The following ARHGEF26 variants were observed in gnomAD, a reference collection of about 807,000 sequenced individuals.
ARHGEF26 encodes Rho guanine nucleotide exchange factor 26.
ARHGEF26 carries 59 observed loss-of-function variants against 89.4 expected under a neutral mutation model. That is an observed-to-expected ratio of 0.66 (90% confidence interval 0.54 to 0.82). The LOEUF (loss-of-function observed/expected upper bound fraction) is 0.82, where lower values mean the gene tolerates loss of function less well. Among genes scored for constraint, ARHGEF26 ranks in the 40% least tolerant of loss-of-function variants. The probability of loss-of-function intolerance (pLI) is 0.00; values close to 1 mark genes in which losing one functional copy is unlikely to be tolerated. For missense variants in ARHGEF26, 1,234 were observed against 1,085.6 expected, an observed-to-expected ratio of 1.14 and a Z score of -1.92; for synonymous variants, 500 against 428.4, an observed-to-expected ratio of 1.17 and a Z score of -2.06.
chr3:154,186,262 C>T (rs926909134), intron 6 of ARHGEF26, among the ~76,000 whole-genome samples: 3 of 151,850 alleles, frequency 2.0e-5, no homozygotes, highest in Admixed American at 6.6e-5. Flanking sequence ...AATAGATATT[C>T]GTATGCAGAT....
intron 6 of ARHGEF26, among the ~76,000 whole-genome samples, chr3:154,179,816 A>T (rs917667156): frequency 6.6e-6 from 1 of 152,192 alleles, no homozygotes; most frequent in African/African-American, 2.4e-5. Flanking sequence ...TCTAAGACAG[A>T]TTAAGAGGAT....
chr3:154,247,230 CA>C (rs1327077577), intron 12 of ARHGEF26, among the ~76,000 whole-genome samples: 2 of 152,274 alleles, frequency 1.3e-5, no homozygotes, highest in Admixed American at 6.5e-5. Context: ...TGTCCAAAAC[CA>C]AACATCAACA....
At chr3:154,183,311 A>C (rs755588210) in intron 6 of ARHGEF26, among the ~76,000 whole-genome samples, 32 of 152,224 alleles carry the variant, frequency 2.1e-4, no homozygotes, top group Non-Finnish European at 4.1e-4. Flanking sequence ...AAAAAAAGAT[A>C]AAGGTTGTGT....
chr3:154,240,182 G>C (rs542953186), intron 11 of ARHGEF26, among the ~76,000 whole-genome samples, 188 bp from the exon 12 acceptor site: 35 of 152,130 alleles, frequency 2.3e-4, no homozygotes, highest in Admixed American at 2.3e-3. Context: ...GGTTTAATTG[G>C]AGGGGGTTAC....
At position 154,255,793 on chromosome 3, in the gene ARHGEF26, TATATC is replaced by T. The variant is rs1718462138; in HGVS notation, c.*321_*325del. On this transcript the variant is annotated 3_prime_UTR_variant, in exon 15 of 15. Transcript: ENST00000465093. ...TGTTCTGGCAATAAAAAACACATAT[TATATC>T]CTGGTTTTCTCTATCCTTGCATTAC... The T allele has an allele frequency of 9.0e-7, 1 of 1,107,968 alleles. No individual in the cohort carries two copies. Among genetic ancestry groups the T allele is most frequent in the Admixed American group, 4.6e-5 (1 of 21,916 alleles). The allele number at this position is 1,107,968 out of a possible 1,614,324, so 68.6% of individuals were successfully genotyped here.
intron 3 of ARHGEF26, among the ~76,000 whole-genome samples, chr3:154,128,834 T>C (rs999681297): frequency 3.9e-5 from 6 of 152,212 alleles, no homozygotes; most frequent in Non-Finnish European, 5.9e-5. Flanking sequence ...AACATCTACA[T>C]GCCCTCCTCC....
At chr3:154,213,492 GGTCT>G (rs1435898972) in intron 9 of ARHGEF26, among the ~76,000 whole-genome samples, 1 of 152,058 alleles carries the variant, frequency 6.6e-6, no homozygotes, top group Non-Finnish European at 1.5e-5. Flanking sequence ...TCTTGTGTTT[GGTCT>G]GACTTCTGAA....
intron 12 of ARHGEF26, among the ~76,000 whole-genome samples, chr3:154,251,424 T>C (rs549058722): frequency 6.6e-6 from 1 of 152,188 alleles, no homozygotes; most frequent in African/African-American, 2.4e-5. Context: ...AGTAAATGAT[T>C]GGGCTCAATA....
At chr3:154,144,319 T>G (rs1719571121) in intron 4 of ARHGEF26, among the ~76,000 whole-genome samples, 1 of 152,208 alleles carries the variant, frequency 6.6e-6, no homozygotes, top group African/African-American at 2.4e-5. Context: ...TCTCCGTTCT[T>G]TATTTGTAAA....
intron 4 of ARHGEF26, among the ~76,000 whole-genome samples, chr3:154,145,217 A>C (rs981421682): frequency 1.3e-5 from 2 of 152,142 alleles, no homozygotes; most frequent in African/African-American, 4.8e-5. Flanking sequence ...ATACTCTCAA[A>C]CTGCTGCTGT....
At chr3:154,126,160 A>G (rs1166526894) in intron 3 of ARHGEF26, among the ~76,000 whole-genome samples, 1 of 152,176 alleles carries the variant, frequency 6.6e-6, no homozygotes, top group African/African-American at 2.4e-5. Flanking sequence ...ACATAGCATG[A>G]CAATCAGAGA....
intron 4 of ARHGEF26, 109 bp downstream of exon 4, chr3:154,129,828 GA>G: frequency 8.0e-7 from 1 of 1,249,908 alleles, no homozygotes; most frequent in Non-Finnish European, 1.1e-6. Context: ...TAACTAAGGA[GA>G]AAGACTCTTT....
chr3:154,122,929 C>CT lies in ARHGEF26; in HGVS notation c.937_938insT (p.Arg313LeufsTer14), dbSNP rs1560035269. On this transcript the variant is annotated frameshift_variant, in exon 2 of 15. Transcript: ENST00000465093. LOFTEE classifies it high-confidence loss of function. Reference sequence around the variant, plus strand: ...CCCAGGGTCTCTGCGGAGAGGCTTGCGGTCCACGTCTTATCGCAGGGCAGT... The same window carrying CT: ...CCCAGGGTCTCTGCGGAGAGGCTTGCTGGTCCACGTCTTATCGCAGGGCAGT... 1 of 1,612,698 alleles carries CT rather than the reference C, an allele frequency of 6.2e-7. No homozygotes were observed. The highest frequency in any genetic ancestry group is 1.7e-5 in the Admixed American group (1 of 59,788).
chr3:154,136,584 A>G (rs1719023186), intron 4 of ARHGEF26, among the ~76,000 whole-genome samples: 2 of 152,226 alleles, frequency 1.3e-5, no homozygotes, highest in Admixed American at 1.3e-4. Context: ...TTATTATTTT[A>G]GAATTTACTC....
At chr3:154,226,432 AC>A (rs1053722717) in intron 11 of ARHGEF26, among the ~76,000 whole-genome samples, 1 of 152,180 alleles carries the variant, frequency 6.6e-6, no homozygotes, top group Non-Finnish European at 1.5e-5. Context: ...TTTAAAATGC[AC>A]TGCTTTTAAT....
intron 6 of ARHGEF26, among the ~76,000 whole-genome samples, chr3:154,162,395 T>C (rs1711718705): frequency 6.6e-6 from 1 of 152,230 alleles, no homozygotes; most frequent in African/African-American, 2.4e-5. Context: ...CTCTAATTGC[T>C]GTGCATTAAT....
At chr3:154,195,139 G>T (rs952714593) in intron 9 of ARHGEF26, among the ~76,000 whole-genome samples, 1 of 152,178 alleles carries the variant, frequency 6.6e-6, no homozygotes, top group African/African-American at 2.4e-5. Context: ...AAGGGTAGTG[G>T]GTGATGTGAT....
chr3:154,171,723 A>G (rs1712452459), intron 6 of ARHGEF26, among the ~76,000 whole-genome samples: 1 of 152,130 alleles, frequency 6.6e-6, no homozygotes. Flanking sequence ...TGAAGGCTGG[A>G]GACATATTTG....
At position 154,121,430 on chromosome 3, in the gene ARHGEF26, A is replaced by G. The variant is rs1003004514; in HGVS notation, c.-141A>G. ...CCGCGGTCGGCGGCAGCGCTCTCCTAAGCTCTCGCGGCTGCGCTTCGGTCC... is the reference window on the plus strand; with the variant it reads ...CCGCGGTCGGCGGCAGCGCTCTCCTGAGCTCTCGCGGCTGCGCTTCGGTCC... On this transcript the variant is annotated 5_prime_UTR_variant, in exon 1 of 15. Transcript: ENST00000465093. 1 of 152,268 alleles carries G rather than the reference A, an allele frequency of 6.6e-6. No homozygotes were observed. Among genetic ancestry groups the G allele is most frequent in the African/African-American group, 2.4e-5 (1 of 41,418 alleles). The allele number at this position is 152,268 out of a possible 1,614,324, so 9.4% of individuals were successfully genotyped here.
Sources: allele counts gnomAD v4.1 joint callset (sites outside exome capture counted in the v4.1 genomes callset), GRCh38; gene constraint gnomAD v4.1.1; transcripts MANE v1.5; gene names NCBI Gene and HGNC (gene_info 2026-07-23, HGNC 2026-07-21).